Variants in DST observed in about 807,000 individuals in gnomAD.
The protein encoded by DST is bullous pemphigoid antigen.
DST carries 253 observed loss-of-function variants against 875.2 expected under a neutral mutation model. That is an observed-to-expected ratio of 0.29 (90% confidence interval 0.26 to 0.32). The LOEUF is 0.32. DST is among the 10% of genes least tolerant of loss of function. The pLI is 1.00. For missense variants in DST, 8,287 were observed against 9,111.6 expected, an observed-to-expected ratio of 0.91 and a Z score of 3.68; for synonymous variants, 3,124 against 3,197.1, an observed-to-expected ratio of 0.98 and a Z score of 0.77.
intron 4 of DST, among the ~76,000 whole-genome samples, chr6:56,771,898 T>G (rs973639990): frequency 2.6e-5 from 4 of 152,180 alleles, no homozygotes; most frequent in African/African-American, 9.7e-5. Context: ...AAAATCCCAT[T>G]ATAACATTGC....
chr6:56,835,594 A>G (rs1003569327), intron 4 of DST, among the ~76,000 whole-genome samples: 1 of 152,212 alleles, frequency 6.6e-6, no homozygotes, highest in Admixed American at 6.5e-5. Context: ...TACCTAATTC[A>G]TTGACTACCT....
Position 56,624,749 on chromosome 6 carries a change from C to A in DST, c.4831-121G>T, listed in dbSNP as rs77239364. On this transcript the variant is annotated intron_variant, in intron 35 of 103. Coordinates refer to ENST00000680361, the MANE Select transcript of DST (RefSeq NM_001374736.1). ...AGACAGCAAAGCACACAACTCCCCC[C>A]ATAATAAATGATAAGAATGAGCTTA... is the stretch of plus-strand genomic sequence containing the variant. 1,572 of 706,920 alleles carry A rather than the reference C, an allele frequency of 2.2e-3. 17 individuals are homozygous for A. In the African/African-American group the frequency reaches 0.025, roughly 11 times the overall value. The allele number at this position is 706,920 out of a possible 1,614,324, so 43.8% of individuals were successfully genotyped here.
chr6:56,882,016 T>C (rs1400425694), intron 3 of DST, among the ~76,000 whole-genome samples: 1 of 152,198 alleles, frequency 6.6e-6, no homozygotes, highest in Non-Finnish European at 1.5e-5. Context: ...TTAAAGTATA[T>C]GTTCAGGTCG....
intron 44 of DST, 51 bp downstream of exon 44, chr6:56,601,392 A>G (rs1286129942): frequency 5.6e-6 from 7 of 1,247,356 alleles, no homozygotes; most frequent in Admixed American, 4.2e-5. Context: ...TATCTACATT[A>G]TGGTTTCACA....
intron 39 of DST, 42 bp downstream of exon 39, chr6:56,610,384 TA>T: frequency 6.8e-7 from 1 of 1,461,586 alleles, no homozygotes; most frequent in East Asian, 2.5e-5. Context: ...GCAATCAAAC[TA>T]AGCTTCTTGA....
At position 56,553,671 on chromosome 6, in the gene DST, C is replaced by T. The variant is rs751256713; in HGVS notation, c.15137-16G>A. The stretch of plus-strand genomic sequence containing the variant: ...ACATGATTCTCTAGAAATAAAATTA[C>T]AAGATATGTTTATTTTACATCAAAA... On this transcript the variant is annotated splice_polypyrimidine_tract_variant and intron_variant, in intron 60 of 103. Coordinates refer to ENST00000680361, the MANE Select transcript of DST (RefSeq NM_001374736.1). 10 of 1,599,006 alleles carry T rather than the reference C, an allele frequency of 6.3e-6. No homozygotes were observed. Among genetic ancestry groups the T allele is most frequent in the East Asian group, 2.2e-5 (1 of 44,788 alleles).
chr6:56,898,896 A>G (rs1004780223), intron 3 of DST, among the ~76,000 whole-genome samples: 2 of 152,220 alleles, frequency 1.3e-5, no homozygotes, highest in Non-Finnish European at 2.9e-5. Flanking sequence ...AACATGCATT[A>G]TAATTGCTTG....
In DST at chr6:56,487,191, G is replaced by A. The variant is rs748906630; in HGVS notation, c.20960C>T (p.Ser6987Phe). ...RTGRSLKEKT[S>F]LADDNLKLDD... The stretch of plus-strand genomic sequence containing the variant: ...CAGTTTCAGGTTGTCATCAGCCAGG[G>A]AGGTTTTCTCCTTCAGAGAACGTCC... The change falls in exon 87 of 104, where the codon TCC becomes TTC. Residue 6987 changes from serine to phenylalanine, a missense_variant. Ser to Phe is a radical substitution (Grantham distance 155). Coordinates refer to ENST00000680361, the MANE Select transcript of DST (RefSeq NM_001374736.1). 2 of 1,613,902 alleles carry A rather than the reference G, an allele frequency of 1.2e-6. No homozygotes were observed. The highest frequency in any genetic ancestry group is 2.2e-5 in the East Asian group (1 of 44,876).
Position 56,606,676 on chromosome 6 carries a change from G to A in DST, c.7952C>T (p.Thr2651Met), listed in dbSNP as rs778324441. ...YDTLQEENDE[T>M]ASPADVFYDV... ...ATAAAAAACATCAGCAGGAGAAGCC[G>A]TCTCATCATTTTCCTCTTGCAGTGT... Residue 2651 changes from threonine (T) to methionine (M), a missense_variant, in exon 40 of 104, where the codon ACG (threonine) becomes ATG (methionine). Coordinates refer to ENST00000680361, the MANE Select transcript of DST (RefSeq NM_001374736.1). 55 of 1,613,428 alleles carry A rather than the reference G, an allele frequency of 3.4e-5. No individual in the cohort carries two copies. The highest frequency in any genetic ancestry group is 4.5e-5 in the East Asian group (2 of 44,884).
At chr6:56,785,012 G>C (rs1197656108) in intron 4 of DST, among the ~76,000 whole-genome samples, 1 of 152,278 alleles carries the variant, frequency 6.6e-6, no homozygotes, top group Admixed American at 6.5e-5. Flanking sequence ...GTTTGCCTGG[G>C]TATCAGCGGC....
chr6:56,842,922 T>C, intron 4 of DST: 1 of 855,914 alleles, frequency 1.2e-6, no homozygotes, highest in South Asian at 5.9e-5. Context: ...CAAAAAGACC[T>C]GGTCCATTCC....
chr6:56,851,209 C>T (rs1361429486), intron 4 of DST, 188 bp downstream of exon 4: 1 of 604,826 alleles, frequency 1.7e-6, no homozygotes, highest in Non-Finnish European at 2.9e-6. Flanking sequence ...GCTTAGTCAC[C>T]AGCAGGCAGG....
chr6:56,677,267 T>G (rs2099135653), intron 9 of DST, among the ~76,000 whole-genome samples: 1 of 152,126 alleles, frequency 6.6e-6, no homozygotes, highest in Non-Finnish European at 1.5e-5. Flanking sequence ...CCACCACTAC[T>G]TATCTATCTA....
chr6:56,467,576 G>A (rs1242338134), intron 98 of DST: 1 of 152,102 alleles, frequency 6.6e-6, no homozygotes, highest in Non-Finnish European at 1.5e-5. Flanking sequence ...AATAAGCAAA[G>A]GGAAAGGAGG....
At position 56,605,214 on chromosome 6, in the gene DST, T is replaced by G. The variant is rs529231541; in HGVS notation, c.9414A>C (p.Glu3138Asp). ...SKSPVQFENL[E>D]EIFDTSVSKE... The stretch of plus-strand genomic sequence containing the variant: ...TGGAAACTGATGTGTCAAAAATTTC[T>G]TCAAGATTCTCAAACTGAACAGGAC... Residue 3138 changes from glutamate to aspartate, a missense_variant, in exon 40 of 104, where the codon GAA becomes GAC. Around this residue, in one of 10 missense-constraint regions of DST, gnomAD observed 3,138 missense variants for 3,116.6 expected, o/e 1.01. Transcript: ENST00000680361. 1 of 1,611,740 alleles carries G rather than the reference T, an allele frequency of 6.2e-7. No homozygotes were observed. The highest frequency in any genetic ancestry group is 1.3e-5 in the African/African-American group (1 of 74,986).
At chr6:56,692,759 T>G (rs2099239829) in intron 9 of DST, 1 of 1,289,836 alleles carries the variant, frequency 7.8e-7, no homozygotes, top group Non-Finnish European at 1.0e-6. Flanking sequence ...TCTGTTTCAC[T>G]GTCTTTAGCA....
Position 56,699,753 on chromosome 6 carries a change from G to C in DST, c.955-8C>G. On this transcript the variant is annotated splice_region_variant and splice_polypyrimidine_tract_variant and intron_variant, in intron 8 of 103. Coordinates refer to ENST00000680361, the MANE Select transcript of DST (RefSeq NM_001374736.1). ...AATATTCACTAATTTCACCTGTTTT[G>C]AATGTGAAGAAGAGATAAAACCAAC... 7.4e-7 allele frequency: 1 copy of C among 1,356,620 alleles called. No individual in the cohort carries two copies. Among genetic ancestry groups the C allele is most frequent in the East Asian group, 2.7e-5 (1 of 36,498 alleles). The allele number at this position is 1,356,620 out of a possible 1,614,324, so 84.0% of individuals were successfully genotyped here. A position where few individuals can be genotyped will look rare whatever the true frequency, so the allele number is the denominator to read the frequency against.
chr6:56,756,027 A>C (rs1255434227), intron 4 of DST, among the ~76,000 whole-genome samples: 1 of 152,194 alleles, frequency 6.6e-6, no homozygotes, highest in Non-Finnish European at 1.5e-5. Flanking sequence ...AGGATATGAT[A>C]TAGTATATGT....
chr6:56,915,753 C>G (rs943404107), intron 2 of DST, among the ~76,000 whole-genome samples: 10 of 152,132 alleles, frequency 6.6e-5, no homozygotes, highest in African/African-American at 2.4e-4. Flanking sequence ...AGAAATCACT[C>G]AAGACACAAG....
Sources: allele counts gnomAD v4.1 joint callset (sites outside exome capture counted in the v4.1 genomes callset), GRCh38; gene constraint gnomAD v4.1.1; regional missense constraint gnomAD v4.1.1; transcripts MANE v1.5; gene names NCBI Gene and HGNC (gene_info 2026-07-23, HGNC 2026-07-21).